The following EPHB1 variants were observed in gnomAD, a reference collection of about 807,000 sequenced individuals.
EPHB1 encodes the protein ephrin type-B receptor 1.
Under a neutral mutation model 94.4 loss-of-function variants are expected in EPHB1, and 30 were observed. The ratio of observed to expected loss-of-function variants is 0.32; its 90% CI spans 0.24 to 0.43. The LOEUF (loss-of-function observed/expected upper bound fraction) is 0.43, where lower values mean the gene tolerates loss of function less well. Among genes scored for constraint, EPHB1 ranks in the 20% least tolerant of loss-of-function variants. EPHB1 has a pLI of 1.00. For synonymous variants in EPHB1, 522 were observed against 489.1 expected (o/e 1.07, Z -0.89); for missense variants, 1,055 against 1,308.3 (o/e 0.81, Z 2.99).
At chr3:135,018,024 C>A (rs879592357) in intron 3 of EPHB1, among the ~76,000 whole-genome samples, 27 of 152,162 alleles carry the variant, frequency 1.8e-4, no homozygotes, top group Non-Finnish European at 3.4e-4. Flanking sequence ...ATGAGAGCTC[C>A]AGGGAGGGCA....
chr3:135,112,564 A>G (rs1346793898), intron 4 of EPHB1, among the ~76,000 whole-genome samples: 2 of 102,234 alleles, frequency 2.0e-5, no homozygotes, highest in Non-Finnish European at 3.6e-5. Flanking sequence ...AACAGTCCCC[A>G]GTGTGTGATA....
intron 1 of EPHB1, among the ~76,000 whole-genome samples, chr3:134,878,898 G>A (rs2895696): frequency 0.46 from 69,473 of 152,068 alleles, 18,603 homozygotes; most frequent in African/African-American, 0.75. Context: ...AATAACACTC[G>A]CTCTTACTAA....
intron 3 of EPHB1, among the ~76,000 whole-genome samples, chr3:134,997,142 C>G (rs1290573842): frequency 6.6e-6 from 1 of 152,184 alleles, no homozygotes; most frequent in Non-Finnish European, 1.5e-5. Flanking sequence ...TTCCCAGTAG[C>G]TAACTTGTGT....
Position 135,132,695 on chromosome 3 carries a change from C to T in EPHB1, c.962-19C>T, listed in dbSNP as rs2107687083. 6.4e-7 allele frequency: 1 copy of T among 1,555,274 alleles called. No homozygotes were observed. Among genetic ancestry groups the T allele is most frequent in the Non-Finnish European group, 8.7e-7 (1 of 1,145,506 alleles). On this transcript the variant is annotated intron_variant, in intron 4 of 15. Transcript: ENST00000398015. ...AAGCTTATGTCTAGCCTCACTGGAC[C>T]TTCTTTGTCTCCCTGCAGGCGTCCC...
At chr3:135,019,620 G>A (rs1323292989) in intron 3 of EPHB1, among the ~76,000 whole-genome samples, 1 of 152,156 alleles carries the variant, frequency 6.6e-6, no homozygotes, top group Non-Finnish European at 1.5e-5. Flanking sequence ...TTTTAGCATT[G>A]TGTGTGTATG....
At chr3:135,043,372 G>A (rs1368769735) in intron 3 of EPHB1, among the ~76,000 whole-genome samples, 1 of 152,056 alleles carries the variant, frequency 6.6e-6, no homozygotes, top group Non-Finnish European at 1.5e-5. Flanking sequence ...GCCAGGTTCA[G>A]GCTTAATCAA....
At chr3:135,046,620 T>C (rs1323083253) in intron 3 of EPHB1, among the ~76,000 whole-genome samples, 4 of 152,340 alleles carry the variant, frequency 2.6e-5, no homozygotes, top group Non-Finnish European at 5.9e-5. Flanking sequence ...ATATTAATCC[T>C]TCAATTGAGA....
intron 3 of EPHB1, among the ~76,000 whole-genome samples, chr3:135,078,050 C>T (rs1938009399): frequency 6.6e-6 from 1 of 152,194 alleles, no homozygotes; most frequent in African/African-American, 2.4e-5. Context: ...GATGGAACTG[C>T]AGCCCAGAGA....
intron 3 of EPHB1, chr3:134,978,160 C>A (rs1013021833): frequency 3.2e-6 from 1 of 308,028 alleles, no homozygotes; most frequent in Non-Finnish European, 6.0e-6. Context: ...CTGCAATCCA[C>A]TGAGTTACAA....
chr3:134,805,498 A>G (rs543614954), intron 1 of EPHB1, among the ~76,000 whole-genome samples: 41 of 152,232 alleles, frequency 2.7e-4, no homozygotes, highest in Admixed American at 7.2e-4. Flanking sequence ...TTCAGGGCCA[A>G]TCATTGCAAG....
intron 3 of EPHB1, among the ~76,000 whole-genome samples, chr3:135,043,769 C>A (rs1379794295): frequency 1.3e-5 from 2 of 152,212 alleles, no homozygotes; most frequent in African/African-American, 2.4e-5. Context: ...ACGGATGACA[C>A]CTTCACAAAT....
At chr3:135,090,748 C>T (rs1938522988) in intron 3 of EPHB1, among the ~76,000 whole-genome samples, 1 of 152,228 alleles carries the variant, frequency 6.6e-6, no homozygotes, top group Non-Finnish European at 1.5e-5. Flanking sequence ...GGAAGGGTTT[C>T]TGCCCCTTAT....
chr3:134,921,014 G>T (rs2038673826), intron 1 of EPHB1, among the ~76,000 whole-genome samples: 1 of 152,122 alleles, frequency 6.6e-6, no homozygotes, highest in Non-Finnish European at 1.5e-5. Context: ...CCCCTGAGTA[G>T]CTGGGATTAC....
chr3:134,849,779 C>A (rs1333288263), intron 1 of EPHB1, among the ~76,000 whole-genome samples: 1 of 152,188 alleles, frequency 6.6e-6, no homozygotes, highest in Middle Eastern at 3.2e-3. Flanking sequence ...CTAGGCTGGG[C>A]CACCCCAGAA....
At chr3:134,921,402 C>G (rs1020100522) in intron 1 of EPHB1, among the ~76,000 whole-genome samples, 7 of 152,198 alleles carry the variant, frequency 4.6e-5, no homozygotes. Context: ...GACAGGCACA[C>G]CTGTTCCCCG....
intron 1 of EPHB1, among the ~76,000 whole-genome samples, chr3:134,902,697 T>C (rs997665502): frequency 7.9e-5 from 12 of 152,192 alleles, no homozygotes; most frequent in African/African-American, 2.9e-4. Flanking sequence ...GATTATTTGA[T>C]ATTTTTGCCA....
chr3:135,012,723 C>T (rs1935664439), intron 3 of EPHB1, among the ~76,000 whole-genome samples: 1 of 152,170 alleles, frequency 6.6e-6, no homozygotes, highest in South Asian at 2.1e-4. Flanking sequence ...TGCCCTGTCT[C>T]CTGCAGCTGT....
intron 13 of EPHB1, among the ~76,000 whole-genome samples, chr3:135,245,621 C>T (rs528562252): frequency 8.6e-5 from 13 of 150,970 alleles, no homozygotes; most frequent in South Asian, 6.3e-4. Flanking sequence ...TCCTGGCCAA[C>T]GTGCTGAAAC....
chr3:135,200,817 CCTCT>C (rs1010291136), intron 11 of EPHB1, among the ~76,000 whole-genome samples: 1 of 152,014 alleles, frequency 6.6e-6, no homozygotes, highest in African/African-American at 2.4e-5. Context: ...AAAGGGATGT[CCTCT>C]CTAAGAAAGT....
Sources: gnomAD v4.1 joint callset for allele counts (sites outside exome capture counted in the v4.1 genomes callset) on GRCh38, gnomAD v4.1.1 for gene constraint, MANE v1.5 for transcripts, NCBI Gene and HGNC (gene_info 2026-07-23, HGNC 2026-07-21) for gene names.